The following KCNIP4 variants were observed in gnomAD, a reference collection of about 807,000 sequenced individuals.
KCNIP4 encodes the protein potassium voltage-gated channel interacting protein 4.
KCNIP4 carries 12 observed loss-of-function variants against 34.0 expected under a neutral mutation model. The ratio of observed to expected loss-of-function variants is 0.35; its 90% CI spans 0.23 to 0.57. The LOEUF (loss-of-function observed/expected upper bound fraction) is 0.57. Ranked by LOEUF, KCNIP4 falls within the 20% of genes least tolerant of loss-of-function variation. The pLI is 0.83. For missense variants in KCNIP4, 238 were observed against 311.7 expected (o/e 0.76, Z 1.78); for synonymous variants, 124 against 102.2 (o/e 1.21, Z -1.29).
chr4:20,741,397 A>G (rs924428491), intron 5 of KCNIP4, among the ~76,000 whole-genome samples: 2 of 152,266 alleles, frequency 1.3e-5, no homozygotes, highest in African/African-American at 4.8e-5. Flanking sequence ...CAATCAAATT[A>G]AAACTCAAGA....
chr4:20,956,504 C>A (rs79993556), intron 1 of KCNIP4, among the ~76,000 whole-genome samples: 8 of 148,350 alleles, frequency 5.4e-5, no homozygotes, highest in African/African-American at 2.5e-5. Context: ...GACTTCCTTC[C>A]AAAAAAAAAA....
chr4:21,931,544 C>A (rs893661071), intron 1 of KCNIP4, among the ~76,000 whole-genome samples: 1 of 151,220 alleles, frequency 6.6e-6, no homozygotes, highest in African/African-American at 2.4e-5. Flanking sequence ...TTGGGATAGT[C>A]TGCTGAGAAT....
chr4:20,821,870 G>C (rs542297255), intron 3 of KCNIP4, among the ~76,000 whole-genome samples: 5 of 152,004 alleles, frequency 3.3e-5, no homozygotes, highest in African/African-American at 1.2e-4. Context: ...GTGTGTGTGT[G>C]TATCTATGTA....
chr4:21,344,224 G>A (rs1178246417), intron 1 of KCNIP4, among the ~76,000 whole-genome samples: 1 of 152,134 alleles, frequency 6.6e-6, no homozygotes, highest in Non-Finnish European at 1.5e-5. Context: ...GTTGGGTGAA[G>A]GACTTTATTG....
intron 1 of KCNIP4, among the ~76,000 whole-genome samples, chr4:20,889,311 A>C (rs1725661816): frequency 6.6e-6 from 1 of 152,180 alleles, no homozygotes; most frequent in Non-Finnish European, 1.5e-5. Context: ...TTCTATAAAC[A>C]AGGGACTATA....
At chr4:21,004,136 G>C (rs1056205423) in intron 1 of KCNIP4, among the ~76,000 whole-genome samples, 1 of 152,286 alleles carries the variant, frequency 6.6e-6, no homozygotes, top group East Asian at 1.9e-4. Flanking sequence ...GGTGAGGAAA[G>C]GAGGAAGATA....
chr4:21,441,308 A>AT (rs1205499979), intron 1 of KCNIP4, among the ~76,000 whole-genome samples: 51 of 148,568 alleles, frequency 3.4e-4, no homozygotes, highest in Admixed American at 7.4e-4. Context: ...CGCCCGGCTA[A>AT]TTTTTTTTTT....
At chr4:20,849,573 G>C (rs1433073825) in intron 3 of KCNIP4, among the ~76,000 whole-genome samples, 1 of 152,134 alleles carries the variant, frequency 6.6e-6, no homozygotes, top group Non-Finnish European at 1.5e-5. Context: ...GATGGCATTA[G>C]AAGAAATCCT....
intron 1 of KCNIP4, among the ~76,000 whole-genome samples, chr4:20,892,781 A>C (rs916867255): frequency 1.3e-5 from 2 of 152,192 alleles, no homozygotes; most frequent in East Asian, 3.8e-4. Flanking sequence ...GTTTGTTTTT[A>C]TCACCTCTCT....
intron 1 of KCNIP4, among the ~76,000 whole-genome samples, chr4:21,784,173 A>G (rs1045609168): frequency 6.6e-6 from 1 of 152,146 alleles, no homozygotes; most frequent in African/African-American, 2.4e-5. Flanking sequence ...CTTATCAAAC[A>G]GCTAGATCTC....
At chr4:21,030,371 C>G (rs1740910539) in intron 1 of KCNIP4, among the ~76,000 whole-genome samples, 1 of 152,120 alleles carries the variant, frequency 6.6e-6, no homozygotes, top group Non-Finnish European at 1.5e-5. Context: ...GCTCATGGCT[C>G]CTACTCATTC....
intron 1 of KCNIP4, among the ~76,000 whole-genome samples, chr4:21,383,756 G>A (rs754463766): frequency 2.8e-4 from 42 of 151,872 alleles, no homozygotes; most frequent in Non-Finnish European, 4.3e-4. Context: ...TCCCTACTAC[G>A]CTGTATCACC....
intron 1 of KCNIP4, among the ~76,000 whole-genome samples, chr4:21,901,756 A>G (rs1727714931): frequency 6.6e-6 from 1 of 152,192 alleles, no homozygotes; most frequent in African/African-American, 2.4e-5. Flanking sequence ...TACTCCCTCC[A>G]CAAACTTTGT....
intron 1 of KCNIP4, among the ~76,000 whole-genome samples, chr4:20,895,817 C>A (rs1264271405): frequency 1.3e-5 from 2 of 152,274 alleles, no homozygotes; most frequent in Non-Finnish European, 2.9e-5. Flanking sequence ...ATTAGCCATG[C>A]CTGATCATTC....
At chr4:21,641,400 AG>A (rs1350822914) in intron 1 of KCNIP4, among the ~76,000 whole-genome samples, 1 of 152,224 alleles carries the variant, frequency 6.6e-6, no homozygotes, top group Admixed American at 6.5e-5. Flanking sequence ...ATAATGGTGA[AG>A]GAAAATCCTC....
chr4:21,522,988 C>T (rs1735669160), intron 1 of KCNIP4, among the ~76,000 whole-genome samples: 1 of 151,538 alleles, frequency 6.6e-6, no homozygotes, highest in East Asian at 2.0e-4. Flanking sequence ...TAGGAGGTGA[C>T]TAGATAATGA....
At chr4:21,298,358 C>T (rs1470543313) in intron 1 of KCNIP4, among the ~76,000 whole-genome samples, 1 of 152,096 alleles carries the variant, frequency 6.6e-6, no homozygotes, top group Middle Eastern at 3.2e-3. Context: ...ATGCTGGATG[C>T]ACTTACTTCA....
intron 5 of KCNIP4, among the ~76,000 whole-genome samples, chr4:20,743,248 T>A (rs1389852616): frequency 6.6e-6 from 1 of 152,118 alleles, no homozygotes; most frequent in Non-Finnish European, 1.5e-5. Flanking sequence ...ATGACTTTCT[T>A]CACAAAATTG....
intron 1 of KCNIP4, among the ~76,000 whole-genome samples, chr4:21,901,872 G>A (rs1727722244): frequency 6.6e-6 from 1 of 152,002 alleles, no homozygotes; most frequent in African/African-American, 2.4e-5. Context: ...TTCAGAATAG[G>A]CCCTCCTATT....
Sources: gnomAD v4.1 joint callset for allele counts (sites outside exome capture counted in the v4.1 genomes callset) on GRCh38, gnomAD v4.1.1 for gene constraint, MANE v1.5 for transcripts, NCBI Gene and HGNC (gene_info 2026-07-23, HGNC 2026-07-21) for gene names.